Variants in CDC42BPA observed in about 807,000 individuals in gnomAD.
CDC42BPA encodes the protein CDC42 binding protein kinase alpha.
CDC42BPA carries 80 observed loss-of-function variants against 223.5 expected under a neutral mutation model. That is an observed-to-expected ratio of 0.36 (90% CI 0.30 to 0.43). The LOEUF (loss-of-function observed/expected upper bound fraction) is 0.43, where lower values mean the gene tolerates loss of function less well. Among genes scored for constraint, CDC42BPA ranks in the 20% least tolerant of loss-of-function variants. The pLI, the probability that CDC42BPA is intolerant of heterozygous loss-of-function variation, is 1.00. For synonymous variants in CDC42BPA, 694 were observed against 718.6 expected (o/e 0.97, Z 0.55); for missense variants, 1,743 against 2,099.9 (o/e 0.83, Z 3.32).
intron 1 of CDC42BPA, among the ~76,000 whole-genome samples, chr1:227,263,671 T>C (rs1242051162): frequency 1.3e-5 from 2 of 150,746 alleles, no homozygotes; most frequent in Admixed American, 1.3e-4. Context: ...AGTCTCCGCC[T>C]CCCAGGTTCA....
At chr1:227,052,017 CA>C (rs776838052) in intron 21 of CDC42BPA, 32 bp from the exon 22 acceptor site, 6 of 1,286,100 alleles carry the variant, frequency 4.7e-6, no homozygotes, top group Admixed American at 3.8e-5. Flanking sequence ...AATAAAAACC[CA>C]AAAAATCACT....
intron 6 of CDC42BPA, among the ~76,000 whole-genome samples, chr1:227,149,413 AT>A (rs1415544364): frequency 6.6e-6 from 1 of 152,194 alleles, no homozygotes; most frequent in African/African-American, 2.4e-5. Flanking sequence ...TAAACATAAA[AT>A]CTTGCTGAAT....
intron 2 of CDC42BPA, among the ~76,000 whole-genome samples, chr1:227,217,734 C>T (rs139919282): frequency 1.1e-3 from 160 of 152,282 alleles, no homozygotes; most frequent in African/African-American, 3.6e-3. Flanking sequence ...GTTCACTATG[C>T]TCCAGCTATA....
intron 2 of CDC42BPA, among the ~76,000 whole-genome samples, chr1:227,240,571 A>C (rs994618808): frequency 1.3e-5 from 2 of 152,080 alleles, no homozygotes; most frequent in African/African-American, 4.8e-5. Flanking sequence ...AGACAATGAG[A>C]TAAAGAGAAT....
At chr1:227,166,816 A>G (rs1295412901) in intron 5 of CDC42BPA, among the ~76,000 whole-genome samples, 1 of 152,152 alleles carries the variant, frequency 6.6e-6, no homozygotes, top group Admixed American at 6.5e-5. Context: ...AACTGAGTAA[A>G]GAAGGCTCTT....
In CDC42BPA at chr1:227,029,055, C is replaced by A. The variant is rs200056759; in HGVS notation, c.4034G>T (p.Arg1345Leu). ...GCQTVTSGKV[R>L]HGALTCLCVA... ...ACACAGGCATGTGAGAGCTCCATGG[C>A]GCACCTTTCCAGAAGTTACGGTTTG... Residue 1345 changes from arginine (R) to leucine (L), a missense_variant, in exon 30 of 37, where the codon CGC becomes CTC. Physicochemically the swap from Arg to Leu is moderately radical, Grantham distance 102. Around this residue, in one of 6 missense-constraint regions of CDC42BPA, gnomAD observed 678 missense variants for 777.5 expected, o/e 0.87. Coordinates refer to ENST00000366766, the MANE Select transcript of CDC42BPA (RefSeq NM_001394014.1). The A allele has an allele frequency of 1.2e-6, 2 of 1,613,912 alleles. No individual in the cohort carries two copies. Among genetic ancestry groups the A allele is most frequent in the Non-Finnish European group, 8.5e-7 (1 of 1,180,024 alleles).
intron 15 of CDC42BPA, among the ~76,000 whole-genome samples, chr1:227,095,503 T>C (rs2149268748): frequency 6.6e-6 from 1 of 152,160 alleles, no homozygotes; most frequent in Non-Finnish European, 1.5e-5. Context: ...CTGTGGATCA[T>C]GATGACTTAT....
At chr1:227,295,014 G>A (rs1690422078) in intron 1 of CDC42BPA, among the ~76,000 whole-genome samples, 1 of 151,060 alleles carries the variant, frequency 6.6e-6, no homozygotes, top group African/African-American at 2.4e-5. Flanking sequence ...CAACGGGTTA[G>A]CACAAAAATG....
chr1:227,305,227 G>T (rs576443324), intron 1 of CDC42BPA, among the ~76,000 whole-genome samples: 4 of 152,130 alleles, frequency 2.6e-5, no homozygotes, highest in African/African-American at 9.7e-5. Context: ...CTGTAAACTC[G>T]AGATTATTTC....
intron 5 of CDC42BPA, among the ~76,000 whole-genome samples, chr1:227,170,518 G>T (rs999559152): frequency 1.3e-5 from 2 of 152,032 alleles, no homozygotes; most frequent in African/African-American, 4.8e-5. Context: ...GTTTCAGGGT[G>T]TATGGTGGAC....
At chr1:227,178,863 G>T (rs1277859770) in intron 5 of CDC42BPA, among the ~76,000 whole-genome samples, 2 of 152,144 alleles carry the variant, frequency 1.3e-5, no homozygotes, top group Non-Finnish European at 2.9e-5. Context: ...TTTCTCTTGA[G>T]ACTAAATCAT....
chr1:227,293,521 A>G (rs1042936165), intron 1 of CDC42BPA, among the ~76,000 whole-genome samples: 4 of 34,042 alleles, frequency 1.2e-4, no homozygotes, highest in East Asian at 1.4e-3. Flanking sequence ...TAAAGTCATT[A>G]AAAAAAAAAA....
intron 34 of CDC42BPA, chr1:227,010,938 G>A: frequency 7.3e-7 from 1 of 1,365,316 alleles, no homozygotes; most frequent in Non-Finnish European, 9.8e-7. Flanking sequence ...AATATTCAGG[G>A]TTTATGGAAT....
At chr1:227,113,700 T>C (rs978604156) in intron 12 of CDC42BPA, among the ~76,000 whole-genome samples, 4 of 151,838 alleles carry the variant, frequency 2.6e-5, no homozygotes, top group Non-Finnish European at 5.9e-5. Context: ...ATAGAAGAAC[T>C]GTATGGAACA....
At chr1:227,071,329 A>G (rs915746523) in intron 20 of CDC42BPA, among the ~76,000 whole-genome samples, 18 of 151,966 alleles carry the variant, frequency 1.2e-4, no homozygotes, top group African/African-American at 4.3e-4. Context: ...CGAGTTCAGT[A>G]TTCAGTGATG....
At chr1:227,171,467 C>T (rs1399246213) in intron 5 of CDC42BPA, among the ~76,000 whole-genome samples, 1 of 152,050 alleles carries the variant, frequency 6.6e-6, no homozygotes, top group Non-Finnish European at 1.5e-5. Flanking sequence ...AAAAATTAGC[C>T]AAGAATAGTG....
At chr1:227,297,954 G>GTGTA (rs1553440379) in intron 1 of CDC42BPA, among the ~76,000 whole-genome samples, 15,670 of 126,910 alleles carry the variant, frequency 0.12, 1,081 homozygotes, top group South Asian at 0.18. Flanking sequence ...GTGTGTGTGT[G>GTGTA]TATATATACA....
intron 16 of CDC42BPA, among the ~76,000 whole-genome samples, chr1:227,089,249 C>T (rs1488507673): frequency 6.6e-6 from 1 of 152,160 alleles, no homozygotes; most frequent in Non-Finnish European, 1.5e-5. Context: ...CCCAATGGAA[C>T]AGTTGGTGTA....
At chr1:227,265,643 A>G (rs1165291888) in intron 1 of CDC42BPA, among the ~76,000 whole-genome samples, 1 of 152,030 alleles carries the variant, frequency 6.6e-6, no homozygotes, top group African/African-American at 2.4e-5. Context: ...AAAAAAAAAA[A>G]AAAGATTCAA....
Sources: allele counts gnomAD v4.1 joint callset (sites outside exome capture counted in the v4.1 genomes callset), GRCh38; gene constraint gnomAD v4.1.1; regional missense constraint gnomAD v4.1.1; transcripts MANE v1.5; gene names NCBI Gene and HGNC (gene_info 2026-07-23, HGNC 2026-07-21).